CCDC60: variants seen among roughly 807,000 people sequenced by gnomAD.
The protein encoded by CCDC60 is coiled-coil domain-containing protein 60.
In CCDC60, 54 loss-of-function variants were observed where a neutral mutation model predicts 63.5. That is an observed-to-expected ratio of 0.85 (90% CI 0.68 to 1.07). CCDC60 has a LOEUF of 1.07. CCDC60 is among the 50% of genes least tolerant of loss of function. The probability of loss-of-function intolerance (pLI) is 0.00; values close to 1 mark genes in which losing one functional copy is unlikely to be tolerated. For synonymous variants in CCDC60, 206 were observed against 238.8 expected, an observed-to-expected ratio of 0.86 and a Z score of 1.27; for missense variants, 651 against 684.3, an observed-to-expected ratio of 0.95 and a Z score of 0.54.
At chr12:119,510,204 T>C (rs886325760) in intron 7 of CCDC60, among the ~76,000 whole-genome samples, 1 of 152,236 alleles carries the variant, frequency 6.6e-6, no homozygotes, top group Non-Finnish European at 1.5e-5. Flanking sequence ...CATCTTTCAA[T>C]GACTCTGCCT....
intron 12 of CCDC60, 36 bp downstream of exon 12, chr12:119,528,782 G>C (rs776672396): frequency 6.3e-6 from 10 of 1,599,660 alleles, no homozygotes; most frequent in Non-Finnish European, 8.5e-6. Context: ...ATGGTCCCTG[G>C]AAGAGAACAG....
intron 1 of CCDC60, among the ~76,000 whole-genome samples, chr12:119,391,798 T>A (rs1956164881): frequency 6.6e-6 from 1 of 152,182 alleles, no homozygotes; most frequent in Non-Finnish European, 1.5e-5. Flanking sequence ...TCCAGTATCT[T>A]TTTCTTCCTT....
chr12:119,343,705 A>G (rs1354695979), intron 1 of CCDC60, among the ~76,000 whole-genome samples: 1 of 151,134 alleles, frequency 6.6e-6, no homozygotes, highest in African/African-American at 2.4e-5. Context: ...AGCTTGAGGT[A>G]GAAACAAGTT....
intron 1 of CCDC60, among the ~76,000 whole-genome samples, chr12:119,428,052 G>A (rs1956930914): frequency 6.6e-6 from 1 of 152,024 alleles, no homozygotes; most frequent in South Asian, 2.1e-4. Flanking sequence ...ATCAACTTCT[G>A]AGTAATGTGA....
At chr12:119,519,818 G>T (rs1952466130) in intron 8 of CCDC60, among the ~76,000 whole-genome samples, 2 of 150,458 alleles carry the variant, frequency 1.3e-5, no homozygotes, top group African/African-American at 4.9e-5. Context: ...ACAGTATTTT[G>T]CTGTATGGTG....
At chr12:119,356,587 C>G (rs781765669) in intron 1 of CCDC60, among the ~76,000 whole-genome samples, 1 of 152,228 alleles carries the variant, frequency 6.6e-6, no homozygotes, top group Admixed American at 6.5e-5. Context: ...TCCCCAGATA[C>G]AGGCACTGTG....
chr12:119,448,693 G>A (rs1950582567), intron 2 of CCDC60, among the ~76,000 whole-genome samples: 1 of 151,964 alleles, frequency 6.6e-6, no homozygotes, highest in African/African-American at 2.4e-5. Context: ...GTCTGGAAGA[G>A]GCGCATTAGG....
In CCDC60 at chr12:119,433,765, C is replaced by A. The variant is rs1450720787; in HGVS notation, c.170+5003C>A. ...TTAATATTTTAGCCCTCTTGTAATT[C>A]AATGGCACCGTCCCTGGTTTCATGG... On this transcript the variant is annotated intron_variant, in intron 2 of 13. Coordinates refer to ENST00000327554, the MANE Select transcript of CCDC60 (RefSeq NM_178499.5). 1.3e-5 allele frequency: 8 copies of A among 605,494 alleles called. No individual in the cohort carries two copies. In the South Asian group the frequency reaches 1.6e-4, roughly 12 times the overall value. 37.5% of individuals were successfully genotyped at this position (605,494 alleles called of 1,614,324 possible).
intron 1 of CCDC60, among the ~76,000 whole-genome samples, chr12:119,355,947 C>A (rs1159561252): frequency 6.6e-6 from 1 of 152,156 alleles, no homozygotes; most frequent in East Asian, 1.9e-4. Context: ...CCTGTTTTAG[C>A]TAGTCCTCAA....
At position 119,489,978 on chromosome 12, in the gene CCDC60, C is replaced by T. The variant is rs186632670; in HGVS notation, c.557+1112C>T. Among the ~76,000 whole-genome samples, 869 of 152,058 alleles carry T rather than the reference C, an allele frequency of 5.7e-3. 7 individuals are homozygous for T. Among genetic ancestry groups the T allele is most frequent in the African/African-American group, 0.02 (836 of 41,496 alleles). ...ATGCCCAGCTAATTTTTGTATTTTT[C>T]GTAGAGACGGGGTTTCACCATGTTG... is the stretch of plus-strand genomic sequence containing the variant. On this transcript the variant is annotated intron_variant, in intron 5 of 13. Transcript: ENST00000327554.
intron 2 of CCDC60, among the ~76,000 whole-genome samples, chr12:119,435,161 C>T (rs146150000): frequency 4.3e-4 from 65 of 152,258 alleles, no homozygotes; most frequent in Admixed American, 1.2e-3. Flanking sequence ...TTCCATCTCT[C>T]ACACTAGCAT....
Position 119,480,607 on chromosome 12 carries a change from A to G in CCDC60, c.449+1406A>G, listed in dbSNP as rs535532449. ...CATCCTCATCACCATCATCACCATC[A>G]CCATCATCATCATCATCACCATCAC... On this transcript the variant is annotated intron_variant, in intron 4 of 13. Coordinates refer to ENST00000327554, the MANE Select transcript of CCDC60 (RefSeq NM_178499.5). Among the ~76,000 whole-genome samples the G allele has an allele frequency of 5.3e-5, 8 of 151,562 alleles. No individual in the cohort carries two copies. In the East Asian group the frequency reaches 1.6e-3, roughly 29 times the overall value.
At chr12:119,538,034 C>A (rs937957720) in intron 13 of CCDC60, among the ~76,000 whole-genome samples, 1 of 152,246 alleles carries the variant, frequency 6.6e-6, no homozygotes, top group Non-Finnish European at 1.5e-5. Flanking sequence ...GTGGAATCTA[C>A]AGAGGCAACA....
At chr12:119,446,920 C>T (rs1400848814) in intron 2 of CCDC60, among the ~76,000 whole-genome samples, 1 of 152,136 alleles carries the variant, frequency 6.6e-6, no homozygotes, top group Non-Finnish European at 1.5e-5. Context: ...AGGCAAGGAC[C>T]TGGAAGGCTG....
chr12:119,491,290 G>A (rs1397719951), intron 5 of CCDC60, among the ~76,000 whole-genome samples: 1 of 152,120 alleles, frequency 6.6e-6, no homozygotes, highest in East Asian at 1.9e-4. Flanking sequence ...GTAGTACTGT[G>A]TGGAATATCC....
intron 1 of CCDC60, among the ~76,000 whole-genome samples, chr12:119,344,177 C>T (rs1049811577): frequency 2.3e-4 from 35 of 152,086 alleles, no homozygotes; most frequent in African/African-American, 7.5e-4. Flanking sequence ...GCATTCCTGA[C>T]CTCTCCCTAT....
intron 5 of CCDC60, among the ~76,000 whole-genome samples, chr12:119,493,539 A>AC (rs1951643176): frequency 6.6e-6 from 1 of 152,132 alleles, no homozygotes; most frequent in Non-Finnish European, 1.5e-5. Context: ...ATTGAGAAAA[A>AC]AAAAAACTCC....
rs934165769 is a variant in CCDC60 at position 119,420,377 on chromosome 12, A to T, written c.91-8306A>T. On this transcript the variant is annotated intron_variant, in intron 1 of 13. Transcript: ENST00000327554. The surrounding 1 kb of genome is among the most constrained non-coding windows in gnomAD (Gnocchi z 4.1). ...ATGGAGTATTATTCAGCTACAAAAAAAAGAGTGAGATCCAGTTATTTGCAA... is the reference window on the plus strand; with the variant it reads ...ATGGAGTATTATTCAGCTACAAAAATAAGAGTGAGATCCAGTTATTTGCAA... 6.6e-6 allele frequency among the ~76,000 whole-genome samples: 1 copy of T among 152,220 alleles called. No homozygotes were observed. The highest frequency in any genetic ancestry group is 1.9e-4 in the East Asian group (1 of 5,204).
At position 119,410,712 on chromosome 12, in the gene CCDC60, C is replaced by A. The variant is rs1277941533; in HGVS notation, c.91-17971C>A. On this transcript the variant is annotated intron_variant, in intron 1 of 13. Coordinates refer to ENST00000327554, the MANE Select transcript of CCDC60 (RefSeq NM_178499.5). The surrounding 1 kb of genome is among the most constrained non-coding windows in gnomAD (Gnocchi z 4.0). The stretch of plus-strand genomic sequence containing the variant: ...CCCATCACAGTTCTTGGATGATATC[C>A]CCATAACAAAAGACGTATTAATGAA... 1.3e-5 allele frequency among the ~76,000 whole-genome samples: 2 copies of A among 152,118 alleles called. No individual in the cohort carries two copies. Among genetic ancestry groups the A allele is most frequent in the East Asian group, 3.9e-4 (2 of 5,192 alleles).
Sources: gnomAD v4.1 joint callset for allele counts (sites outside exome capture counted in the v4.1 genomes callset) on GRCh38, gnomAD v4.1.1 for gene constraint, Gnocchi (gnomAD v3.1) non-coding constraint, MANE v1.5 for transcripts, NCBI Gene and HGNC (gene_info 2026-07-23, HGNC 2026-07-21) for gene names.